WNK3: variants seen among roughly 807,000 people sequenced by gnomAD.
The protein encoded by WNK3 is WNK lysine deficient protein kinase 3, also known as serine/threonine-protein kinase WNK3.
A neutral mutation model predicts 116.7 loss-of-function variants in WNK3; 18 were observed. The observed-to-expected ratio is 0.15, with a 90% CI of 0.11 to 0.23. The LOEUF is 0.23. Ranked by LOEUF, WNK3 falls within the 10% of genes least tolerant of loss-of-function variation. The pLI is 1.00. For synonymous variants in WNK3, 404 were observed against 469.4 expected (o/e 0.86, Z 1.80); for missense variants, 993 against 1,323.8 (o/e 0.75, Z 3.88).
At chrX:54,337,903 C>T (rs2069264399) in intron 1 of WNK3, among the ~76,000 whole-genome samples, 2 of 110,263 alleles carry the variant, frequency 1.8e-5, no homozygotes, top group Admixed American at 1.9e-4. Context: ...CCCATCTCTA[C>T]AAAAAAATTA....
intron 22 of WNK3, among the ~76,000 whole-genome samples, chrX:54,210,792 C>A (rs886213714): frequency 5.4e-5 from 6 of 111,821 alleles, no homozygotes; most frequent in African/African-American, 1.9e-4. Context: ...CGTTAAGAAA[C>A]CTCCCTCAAA....
exon 24 of WNK3, chrX:54,196,990 T>A (rs782243274): frequency 4.6e-4 from 51 of 112,052 alleles, no homozygotes; most frequent in Non-Finnish European, 9.2e-4. Context: ...ACAACTTAAA[T>A]AGTATCCTTC....
chrX:54,334,350 CTG>C (rs782765638), intron 1 of WNK3, among the ~76,000 whole-genome samples: 2 of 111,823 alleles, frequency 1.8e-5, no homozygotes, highest in South Asian at 7.5e-4. Context: ...AATTGAAACT[CTG>C]TACCAGTTAA....
intron 1 of WNK3, among the ~76,000 whole-genome samples, chrX:54,345,684 G>C (rs1364042436): frequency 9.2e-6 from 1 of 109,027 alleles, no homozygotes; most frequent in Non-Finnish European, 1.9e-5. Flanking sequence ...TACTCGGGAG[G>C]CTGAGGCACG....
intron 6 of WNK3, among the ~76,000 whole-genome samples, chrX:54,301,198 G>A (rs955902709): frequency 5.1e-5 from 5 of 98,721 alleles, no homozygotes; most frequent in African/African-American, 1.9e-4. Flanking sequence ...GGTCAAGATC[G>A]TACCACTGCA....
At chrX:54,212,217 C>T (rs1557143966) in intron 22 of WNK3, among the ~76,000 whole-genome samples, 2 of 112,129 alleles carry the variant, frequency 1.8e-5, no homozygotes, top group Non-Finnish European at 3.8e-5. Context: ...CAGAGCGAGA[C>T]TCCGTCTCAA....
At chrX:54,210,193 G>T (rs782682368) in intron 22 of WNK3, among the ~76,000 whole-genome samples, 67 of 111,889 alleles carry the variant, frequency 6.0e-4, no homozygotes, top group Non-Finnish European at 1.1e-3. Context: ...GAGGCAATAA[G>T]GTAACAAAAC....
At chrX:54,309,035 G>A in intron 4 of WNK3, 60 bp downstream of exon 4, 1 of 1,012,306 alleles carries the variant, frequency 9.9e-7, no homozygotes, top group East Asian at 3.1e-5. Flanking sequence ...TCCTGTTCTA[G>A]ACCTATACAA....
chrX:54,196,129 T>C, exon 24 of WNK3: 1 of 111,669 alleles, frequency 9.0e-6, no homozygotes, highest in East Asian at 2.8e-4. Context: ...TTTAGGAGCA[T>C]TGTTTTTATA....
At chrX:54,199,652 G>A (rs1275029988) in intron 23 of WNK3, among the ~76,000 whole-genome samples, 2 of 111,252 alleles carry the variant, frequency 1.8e-5, no homozygotes, top group Admixed American at 1.9e-4. Context: ...TGGCCAACAT[G>A]GTGAAACCCT....
chrX:54,290,980 G>GA (rs1377746846), intron 10 of WNK3, among the ~76,000 whole-genome samples: 2 of 111,527 alleles, frequency 1.8e-5, no homozygotes, highest in Non-Finnish European at 3.8e-5. Context: ...TGTGTACACA[G>GA]AAAAAAAGAT....
chrX:54,250,881 C>T (rs1282950483), intron 15 of WNK3, among the ~76,000 whole-genome samples: 1 of 110,883 alleles, frequency 9.0e-6, no homozygotes, highest in East Asian at 2.8e-4. Context: ...AAGATAAAGT[C>T]ATCAGAAAAG....
At chrX:54,358,746 G>C (rs1221824699), upstream of WNK3, 1 of 113,077 alleles carries the variant, frequency 8.8e-6, no homozygotes, top group Non-Finnish European at 1.9e-5. Context: ...CGCTAGGCCT[G>C]GGCACGTGCC....
intron 20 of WNK3, among the ~76,000 whole-genome samples, chrX:54,234,837 A>C (rs1403873914): frequency 9.1e-6 from 1 of 110,224 alleles, no homozygotes; most frequent in Non-Finnish European, 1.9e-5. Flanking sequence ...AAAAAAAAAA[A>C]AACCAAAAAA....
exon 19 of WNK3, chrX:54,238,427 G>A (rs781942753): frequency 6.6e-6 from 8 of 1,210,972 alleles, no homozygotes; most frequent in South Asian, 1.8e-5. Context: ...CCGTGTCAGA[G>A]GAATGGGATC....
intron 17 of WNK3, among the ~76,000 whole-genome samples, chrX:54,240,741 A>G (rs948418348): frequency 1.7e-3 from 186 of 111,562 alleles, no homozygotes; most frequent in African/African-American, 5.9e-3. Context: ...GTAGGCTAGA[A>G]TGCTTACAAA....
At chrX:54,261,520 G>C (rs908545316) in intron 10 of WNK3, among the ~76,000 whole-genome samples, 2 of 111,402 alleles carry the variant, frequency 1.8e-5, no homozygotes, top group African/African-American at 3.3e-5. Flanking sequence ...TGGTAAGTCT[G>C]TTTGTACAAA....
rs1569535339 is a variant in WNK3 at position 54,213,570 on chromosome X, A to AAAAC, written c.4871-11378_4871-11377insGTTT. 2.5e-3 allele frequency among the ~76,000 whole-genome samples: 216 copies of AAAAC among 86,889 alleles called. 4 individuals carry two copies. The highest frequency in any genetic ancestry group is 0.012 in the African/African-American group (212 of 17,556). 75.5% of individuals were successfully genotyped at this position (86,889 alleles called of 115,157 possible). A position where few individuals can be genotyped will look rare whatever the true frequency, so the allele number is the denominator to read the frequency against. ...CTCCGTCTCAAAAAAAAAAACAAAC[A>AAAAC]AAAAAAAAAAAACTAGGGGAAAAAA... On this transcript the variant is annotated intron_variant, in intron 22 of 23. Coordinates refer to ENST00000354646, the Ensembl canonical transcript of WNK3.
intron 2 of WNK3, among the ~76,000 whole-genome samples, chrX:54,322,614 C>G (rs1343398673): frequency 8.9e-6 from 1 of 111,811 alleles, no homozygotes; most frequent in Non-Finnish European, 1.9e-5. Flanking sequence ...CTTCAATCAT[C>G]TATGTAAATG....
Sources: gnomAD v4.1 joint callset for allele counts (sites outside exome capture counted in the v4.1 genomes callset) on GRCh38, gnomAD v4.1.1 for gene constraint, MANE v1.5 for transcripts, NCBI Gene and HGNC (gene_info 2026-07-23, HGNC 2026-07-21) for gene names.